DOK7: variants seen among roughly 807,000 people sequenced by gnomAD.
The protein encoded by DOK7 is docking protein 7.
DOK7 carries 32 observed loss-of-function variants against 30.7 expected under a neutral mutation model. The ratio of observed to expected loss-of-function variants is 1.04; its 90% CI spans 0.79 to 1.40. DOK7 has a LOEUF of 1.40. DOK7 is among the 40% of genes most tolerant of loss of function. DOK7 has a pLI of 0.00. For missense variants in DOK7, 1,007 were observed against 699.2 expected (o/e 1.44, Z -4.97); for synonymous variants, 447 against 324.1 (o/e 1.38, Z -4.07).
At chr4:3,473,863 C>T (rs1726918616) in intron 3 of DOK7, among the ~76,000 whole-genome samples, 1 of 152,154 alleles carries the variant, frequency 6.6e-6, no homozygotes, top group Admixed American at 6.5e-5. Flanking sequence ...CTAGCCTGAC[C>T]GTTAGTTACA....
intron 2 of DOK7, among the ~76,000 whole-genome samples, chr4:3,464,857 G>C (rs528709229): frequency 1.4e-4 from 22 of 152,328 alleles, no homozygotes; most frequent in African/African-American, 5.3e-4. Context: ...GTGAGTGCCT[G>C]AGTGGAGTGA....
intron 2 of DOK7, among the ~76,000 whole-genome samples, chr4:3,466,239 C>T (rs891145783): frequency 1.3e-5 from 2 of 152,200 alleles, no homozygotes; most frequent in Non-Finnish European, 2.9e-5. Flanking sequence ...TCCGCGCCTG[C>T]CCCCGGGCTG....
At chr4:3,486,185 C>G (rs1339091331) in intron 5 of DOK7, among the ~76,000 whole-genome samples, 1 of 152,192 alleles carries the variant, frequency 6.6e-6, no homozygotes, top group Non-Finnish European at 1.5e-5. Context: ...CTTGTCTCAC[C>G]CACACTTCCT....
At chr4:3,479,908 G>T (rs543437680) in intron 4 of DOK7, among the ~76,000 whole-genome samples, 2 of 152,230 alleles carry the variant, frequency 1.3e-5, no homozygotes, top group Non-Finnish European at 2.9e-5. Context: ...TGGCCCGAGC[G>T]CACTTGGCAC....
At chr4:3,490,896 C>T (rs1333358921) in intron 6 of DOK7, among the ~76,000 whole-genome samples, 2 of 118,470 alleles carry the variant, frequency 1.7e-5, no homozygotes, top group Admixed American at 1.9e-4. Flanking sequence ...TCATTAATTT[C>T]TTCCTTCTCT....
intron 4 of DOK7, among the ~76,000 whole-genome samples, chr4:3,480,688 G>GCC (rs1217485586): frequency 6.6e-6 from 1 of 152,238 alleles, no homozygotes; most frequent in Non-Finnish European, 1.5e-5. Flanking sequence ...GCTCTGGAGA[G>GCC]CCCCCTGCCG....
intron 2 of DOK7, among the ~76,000 whole-genome samples, chr4:3,464,505 G>A (rs537411267): frequency 2.8e-4 from 43 of 152,348 alleles, no homozygotes; most frequent in African/African-American, 9.9e-4. Flanking sequence ...GCCTGGGAGG[G>A]CGTCTTTGTC....
At chr4:3,487,485 C>T (rs942963905) in intron 5 of DOK7, among the ~76,000 whole-genome samples, 22 of 152,212 alleles carry the variant, frequency 1.4e-4, no homozygotes, top group African/African-American at 4.6e-4. Context: ...GCAGGAAGTC[C>T]AGCCCCTTGG....
At chr4:3,485,686 G>A in intron 5 of DOK7, 28 bp downstream of exon 5, 1 of 1,528,736 alleles carries the variant, frequency 6.5e-7, no homozygotes, top group South Asian at 1.2e-5. Flanking sequence ...GCCGGCCGGG[G>A]AGGGTGCGCT....
chr4:3,488,882 A>T (rs949614639), intron 5 of DOK7, among the ~76,000 whole-genome samples: 1 of 151,740 alleles, frequency 6.6e-6, no homozygotes, highest in Non-Finnish European at 1.5e-5. Context: ...TGCTGTTTGG[A>T]GCAAGGTAGC....
At chr4:3,489,487 G>A (rs1327344498) in intron 5 of DOK7, among the ~76,000 whole-genome samples, 190 bp from the exon 6 acceptor site, 1 of 152,188 alleles carries the variant, frequency 6.6e-6, no homozygotes, top group Admixed American at 6.5e-5. Flanking sequence ...TGGTGGCCTG[G>A]ATAGGGGTGG....
chr4:3,492,724 C>A (rs757270887), intron 6 of DOK7, 35 bp from the exon 7 acceptor site: 16 of 1,521,108 alleles, frequency 1.1e-5, no homozygotes, highest in Non-Finnish European at 1.4e-5. Flanking sequence ...ACCCCTGTAC[C>A]CCCACAACTG....
rs751342277 is a variant in DOK7 at position 3,493,445 on chromosome 4, G to C, written c.1459G>C (p.Ala487Pro). The C allele has an allele frequency of 9.9e-6, 16 of 1,608,570 alleles. No homozygotes were observed. The Admixed American group carries it at 2.7e-4, about 27-fold the overall frequency. Reference sequence around the variant, plus strand: ...CGGCCCCCACGCGGGGCCACCCCCGGCTTTCTTTTCGGCATGTCCAGTCTG... The same window carrying C: ...CGGCCCCCACGCGGGGCCACCCCCGCCTTTCTTTTCGGCATGTCCAGTCTG... The part of the protein sequence containing the change: ...AGGPHAGPPP[A>P]FFSACPVCGG... The change falls in exon 7 of 7, where the codon GCT becomes CCT. Residue 487 changes from alanine to proline, a missense_variant. Ala to Pro is a conservative substitution (Grantham distance 27, BLOSUM62 -1). Coordinates refer to ENST00000340083, the MANE Select transcript of DOK7 (RefSeq NM_173660.5).
At chr4:3,480,779 G>C (rs1469652868) in intron 4 of DOK7, among the ~76,000 whole-genome samples, 2 of 152,232 alleles carry the variant, frequency 1.3e-5, no homozygotes, top group African/African-American at 4.8e-5. Flanking sequence ...GCAGCAGGGA[G>C]CGCCTTCAGC....
At chr4:3,494,598 G>A (rs932861916), downstream of DOK7, 1 of 874,382 alleles carries the variant, frequency 1.1e-6, no homozygotes, top group Non-Finnish European at 1.4e-6. Context: ...TTATCTCAGA[G>A]AGTGCGAGAG....
intron 5 of DOK7, among the ~76,000 whole-genome samples, chr4:3,486,731 ACCCCTGCAGGTGTCTTCCTGCCTAGCG>A (rs1727824279): frequency 6.6e-6 from 1 of 151,660 alleles, no homozygotes; most frequent in Admixed American, 6.6e-5. Flanking sequence ...TAGTGGATGC[ACCCCTGCAGGTGTCTTCCTGCCTAGCG>A]GCTGCAGGCA....
rs1041024260 is a variant in DOK7, at chr4:3,493,484, G to A, written c.1498G>A (p.Val500Ile). 2.5e-6 allele frequency: 4 copies of A among 1,611,254 alleles called. No individual in the cohort carries two copies. Among genetic ancestry groups the A allele is most frequent in the Non-Finnish European group, 3.4e-6 (4 of 1,179,386 alleles). The change falls in exon 7 of 7, where the codon GTA becomes ATA. Residue 500 changes from valine to isoleucine, a missense_variant. By Grantham distance (29) the Val-to-Ile change is conservative. Transcript: ENST00000340083. ...ATGTCCAGTCTGTGGAGGACTCAAG[G>A]TAAACCCCCCTCCTTGAGAGCCGCA... ...SACPVCGGLK[V>I]NPPP is the part of the protein sequence containing the mutation.
chr4:3,479,928 G>A (rs56354837), intron 4 of DOK7, among the ~76,000 whole-genome samples: 12 of 152,014 alleles, frequency 7.9e-5, no homozygotes, highest in African/African-American at 2.9e-4. Flanking sequence ...CATGGCAGGC[G>A]ACGGTCTGTG....
chr4:3,488,482 C>T lies in DOK7; in HGVS notation c.653-1195C>T, dbSNP rs186124214. ...CCATTGCTTTCTCTGTTTGTTTCTC[C>T]GGAGCGCTGACCATGGGGTCGGGAC... On this transcript the variant is annotated intron_variant, in intron 5 of 6. Transcript: ENST00000340083. 8.1e-4 allele frequency among the ~76,000 whole-genome samples: 124 copies of T among 152,330 alleles called. 1 individual carries two copies. In the East Asian group the frequency reaches 0.01, roughly 12 times the overall value.
Sources: allele counts gnomAD v4.1 joint callset (sites outside exome capture counted in the v4.1 genomes callset), GRCh38; gene constraint gnomAD v4.1.1; transcripts MANE v1.5; gene names NCBI Gene and HGNC (gene_info 2026-07-23, HGNC 2026-07-21).